Variants in CEP128 observed in about 807,000 individuals in gnomAD.
CEP128 encodes the protein centrosomal protein 128kDa.
Under a neutral mutation model 156.7 loss-of-function variants are expected in CEP128, and 132 were observed. That is an observed-to-expected ratio of 0.84 (90% CI 0.73 to 0.97). CEP128 has a LOEUF of 0.97. CEP128 is among the 50% of genes least tolerant of loss of function. The probability of loss-of-function intolerance (pLI) is 0.00; values close to 1 mark genes in which losing one functional copy is unlikely to be tolerated. For missense variants in CEP128, 1,252 were observed against 1,281.9 expected (o/e 0.98, Z 0.36); for synonymous variants, 469 against 448.9 (o/e 1.04, Z -0.57).
upstream of CEP128, among the ~76,000 whole-genome samples, chr14:80,944,858 C>CAAAAAAAAAAAAAAAAAAAAAAAA (rs1886298164): frequency 1.8e-5 from 1 of 54,994 alleles, no homozygotes; most frequent in Admixed American, 2.3e-4. Context: ...AAAAAAAAAA[C>CAAAAAAAAAAAAAAAAAAAAAAAA]AGAAAAAACA....
intron 19 of CEP128, among the ~76,000 whole-genome samples, chr14:80,645,312 G>A (rs184963474): frequency 8.5e-5 from 13 of 152,158 alleles, no homozygotes; most frequent in African/African-American, 2.9e-4. Context: ...TATATTTGAT[G>A]GAAATGTATT....
intron 20 of CEP128, among the ~76,000 whole-genome samples, chr14:80,575,704 A>T (rs578006638): frequency 6.6e-6 from 1 of 152,288 alleles, no homozygotes; most frequent in Non-Finnish European, 1.5e-5. Flanking sequence ...AAGTTTTCAC[A>T]TTTCTTATGG....
At chr14:80,864,562 T>TG (rs1783427588) in intron 8 of CEP128, among the ~76,000 whole-genome samples, 1 of 130,396 alleles carries the variant, frequency 7.7e-6, no homozygotes, top group African/African-American at 2.9e-5. Flanking sequence ...TGTTTCTCAA[T>TG]TTTTTTTTTT....
chr14:80,658,905 C>T (rs985079507), intron 19 of CEP128, among the ~76,000 whole-genome samples: 1 of 152,148 alleles, frequency 6.6e-6, no homozygotes, highest in Non-Finnish European at 1.5e-5. Flanking sequence ...CATAATGAGA[C>T]TGCTGACAGG....
intron 19 of CEP128, among the ~76,000 whole-genome samples, chr14:80,604,922 C>G (rs1393572278): frequency 6.6e-6 from 1 of 151,932 alleles, no homozygotes; most frequent in Non-Finnish European, 1.5e-5. Flanking sequence ...ACAATTAGGA[C>G]AAAAAAGACA....
downstream of CEP128, among the ~76,000 whole-genome samples, chr14:80,493,922 A>C (rs935679441): frequency 2.6e-5 from 4 of 152,212 alleles, no homozygotes; most frequent in African/African-American, 9.6e-5. Flanking sequence ...CTTTGTTACT[A>C]ATCAAAAGCT....
At chr14:80,526,848 A>G in intron 23 of CEP128, 21 bp downstream of exon 23, 1 of 1,386,648 alleles carries the variant, frequency 7.2e-7, no homozygotes. Flanking sequence ...AAAGACTAAA[A>G]AAGTATATAA....
At chr14:80,692,195 G>T (rs908778796) in intron 19 of CEP128, among the ~76,000 whole-genome samples, 4 of 152,104 alleles carry the variant, frequency 2.6e-5, no homozygotes, top group Non-Finnish European at 5.9e-5. Flanking sequence ...AAACTGAAAA[G>T]AATAATAAAA....
At chr14:80,760,919 C>A (rs1338156030) in intron 17 of CEP128, among the ~76,000 whole-genome samples, 1 of 151,948 alleles carries the variant, frequency 6.6e-6, no homozygotes, top group African/African-American at 2.4e-5. Flanking sequence ...GGTTTGAAGC[C>A]CTAGTTTAGC....
At chr14:80,955,709 T>A (rs766480234) in intron 2 of CEP128, 1 of 1,614,094 alleles carries the variant, frequency 6.2e-7, no homozygotes, top group South Asian at 1.1e-5. Context: ...CTGCAGCTGG[T>A]GCTGCTGCTC....
At chr14:80,801,148 G>T (rs1207035928) in intron 13 of CEP128, among the ~76,000 whole-genome samples, 1 of 152,156 alleles carries the variant, frequency 6.6e-6, no homozygotes, top group African/African-American at 2.4e-5. Flanking sequence ...CTGAGATGAT[G>T]GGGTTTTCTA....
intron 18 of CEP128, 94 bp from the exon 19 acceptor site, chr14:80,743,361 C>T: frequency 9.3e-7 from 1 of 1,072,396 alleles, no homozygotes; most frequent in Non-Finnish European, 1.3e-6. Context: ...ATAATTTGAA[C>T]AAATATAGAT....
rs951519593 is a variant in CEP128 at position 80,723,061 on chromosome 14, T to C, written c.2806+20014A>G. 4.6e-5 allele frequency among the ~76,000 whole-genome samples: 7 copies of C among 151,810 alleles called. No individual in the cohort carries two copies. In the East Asian group the frequency reaches 5.8e-4, roughly 13 times the overall value. ...CAGGATGGTCTTAATCTCCTGACCT[T>C]GTGATCCGCCCGCCTCGGCCTCCCA... On this transcript the variant is annotated intron_variant, in intron 19 of 24. Transcript: ENST00000555265.
At chr14:80,944,891 A>C (rs79098910), upstream of CEP128, among the ~76,000 whole-genome samples, 6 of 142,634 alleles carry the variant, frequency 4.2e-5, no homozygotes, top group South Asian at 6.8e-4. Context: ...AAAAAAAAAA[A>C]CCACTTTCCT....
chr14:80,947,203 C>G (rs1164199903), intron 2 of CEP128, among the ~76,000 whole-genome samples: 4 of 152,140 alleles, frequency 2.6e-5, no homozygotes, highest in Non-Finnish European at 4.4e-5. Flanking sequence ...TAACTATGTC[C>G]ATGTGACACA....
At chr14:80,838,000 G>T (rs1196804485) in intron 11 of CEP128, among the ~76,000 whole-genome samples, 1 of 152,222 alleles carries the variant, frequency 6.6e-6, no homozygotes, top group East Asian at 1.9e-4. Context: ...TCACAGTGGG[G>T]ACTCTGGCTG....
chr14:80,895,481 T>C (rs1889302075), intron 8 of CEP128, among the ~76,000 whole-genome samples: 1 of 152,176 alleles, frequency 6.6e-6, no homozygotes, highest in South Asian at 2.1e-4. Flanking sequence ...AATATGCTAA[T>C]ACTGTAATAT....
chr14:80,950,906 G>GAAAAAAAAAAAAAA (rs59969729), intron 2 of CEP128, among the ~76,000 whole-genome samples: 1 of 115,060 alleles, frequency 8.7e-6, no homozygotes, highest in Non-Finnish European at 1.9e-5. Flanking sequence ...TCCCGAGTAA[G>GAAAAAAAAAAAAAA]AAAAAAAAAA....
rs548334661 is a variant in CEP128 at position 80,714,975 on chromosome 14, C to G, written c.2806+28100G>C. 7.6e-4 allele frequency among the ~76,000 whole-genome samples: 116 copies of G among 152,224 alleles called. 1 individual carries two copies. Among genetic ancestry groups the G allele is most frequent in the Admixed American group, 2.6e-3 (39 of 15,282 alleles). ...AGGCCAGGCATGTCTGTAATCCCAG[C>G]ACTTTGGGAGGCCGTGGTGGGCGGA... On this transcript the variant is annotated intron_variant, in intron 19 of 24. Coordinates refer to ENST00000555265, the MANE Select transcript of CEP128 (RefSeq NM_152446.5).
Sources: allele counts gnomAD v4.1 joint callset (sites outside exome capture counted in the v4.1 genomes callset), GRCh38; gene constraint gnomAD v4.1.1; transcripts MANE v1.5; gene names NCBI Gene and HGNC (gene_info 2026-07-23, HGNC 2026-07-21).